TRPM6: variants seen among roughly 807,000 people sequenced by gnomAD.
TRPM6 encodes channel kinase 2.
TRPM6 carries 111 observed loss-of-function variants against 247.6 expected under a neutral mutation model. That is an observed-to-expected ratio of 0.45 (90% confidence interval 0.38 to 0.52). The LOEUF (loss-of-function observed/expected upper bound fraction) is 0.52, where lower values mean the gene tolerates loss of function less well. TRPM6 is among the 20% of genes least tolerant of loss of function. The pLI is 0.00. For missense variants in TRPM6, 2,126 were observed against 2,421.5 expected (o/e 0.88, Z 2.56); for synonymous variants, 892 against 853.8 (o/e 1.04, Z -0.78).
At chr9:74,770,283 GA>G (rs1241867269) in intron 25 of TRPM6, among the ~76,000 whole-genome samples, 3 of 152,020 alleles carry the variant, frequency 2.0e-5, no homozygotes, top group Admixed American at 1.3e-4. Flanking sequence ...TTTGACATCA[GA>G]AAAAAACATG....
Position 74,739,834 on chromosome 9 carries a change from A to G in TRPM6, c.5376T>C (p.Asp1792=). The G allele has an allele frequency of 6.2e-7, 1 of 1,614,100 alleles. No homozygotes were observed. The part of the protein sequence containing the change: ...AMRVVSTWSE[D]DILKPGQVFI... ...AAACTTGTCCCGGCTTGAGAATGTC[A>G]TCCTCAGACCAAGTGCTGACGACTC... is the stretch of plus-strand genomic sequence containing the variant. The change falls in exon 34 of 39, where the codon GAT becomes GAC. Residue 1792 remains aspartate, a synonymous_variant. Transcript: ENST00000360774.
intron 31 of TRPM6, among the ~76,000 whole-genome samples, chr9:74,744,360 T>C (rs957319505): frequency 2.6e-5 from 4 of 152,116 alleles, no homozygotes; most frequent in Non-Finnish European, 4.4e-5. Context: ...CATATTTATA[T>C]AGGGAATTGA....
At chr9:74,867,446 A>G (rs1830882601) in intron 1 of TRPM6, among the ~76,000 whole-genome samples, 1 of 152,206 alleles carries the variant, frequency 6.6e-6, no homozygotes, top group Non-Finnish European at 1.5e-5. Flanking sequence ...AGATGGTCTC[A>G]GTTCCCACAT....
At chr9:74,758,587 T>C (rs1384555225) in intron 27 of TRPM6, among the ~76,000 whole-genome samples, 1 of 152,128 alleles carries the variant, frequency 6.6e-6, no homozygotes, top group Non-Finnish European at 1.5e-5. Context: ...CTAATATCCA[T>C]GAATGATAAA....
At chr9:74,813,074 TTTC>T (rs893890192) in intron 11 of TRPM6, among the ~76,000 whole-genome samples, 12 of 152,188 alleles carry the variant, frequency 7.9e-5, no homozygotes, top group South Asian at 2.1e-4. Flanking sequence ...ACATTCAAGG[TTTC>T]TTCTTCTTCT....
At chr9:74,837,253 C>G (rs561064782) in intron 5 of TRPM6, among the ~76,000 whole-genome samples, 1 of 152,290 alleles carries the variant, frequency 6.6e-6, no homozygotes, top group South Asian at 2.1e-4. Flanking sequence ...TTTAAACGTG[C>G]ACGGGAATCA....
intron 23 of TRPM6, among the ~76,000 whole-genome samples, chr9:74,778,535 C>T (rs779903552): frequency 1.4e-4 from 21 of 152,290 alleles, no homozygotes; most frequent in Non-Finnish European, 2.1e-4. Context: ...GATCCCTGGA[C>T]GCCACTGCAG....
At chr9:74,854,513 A>G (rs1830462437) in intron 3 of TRPM6, among the ~76,000 whole-genome samples, 1 of 152,106 alleles carries the variant, frequency 6.6e-6, no homozygotes, top group South Asian at 2.1e-4. Context: ...AATAATTACT[A>G]AAAGGAAAGA....
intron 6 of TRPM6, among the ~76,000 whole-genome samples, chr9:74,830,222 C>A (rs1342191243): frequency 1.3e-5 from 2 of 151,736 alleles, no homozygotes; most frequent in African/African-American, 2.4e-5. Flanking sequence ...AGATGTTGAA[C>A]CTCACTAGCA....
intron 23 of TRPM6, among the ~76,000 whole-genome samples, chr9:74,781,664 C>G (rs1419876529): frequency 6.6e-6 from 1 of 151,372 alleles, no homozygotes; most frequent in Non-Finnish European, 1.5e-5. Context: ...AAACAGAGAA[C>G]AGGGGAAGCT....
intron 1 of TRPM6, among the ~76,000 whole-genome samples, chr9:74,885,510 T>C (rs1399805070): frequency 2.0e-5 from 3 of 152,310 alleles, no homozygotes; most frequent in South Asian, 2.1e-4. Flanking sequence ...ATGGAATTAA[T>C]TGATTCTGAA....
At chr9:74,839,353 T>C (rs1315490386) in intron 5 of TRPM6, among the ~76,000 whole-genome samples, 1 of 152,136 alleles carries the variant, frequency 6.6e-6, no homozygotes, top group Non-Finnish European at 1.5e-5. Context: ...GCCCCCCATA[T>C]ACAATTCTGG....
intron 1 of TRPM6, among the ~76,000 whole-genome samples, chr9:74,864,846 T>G (rs922901519): frequency 6.6e-6 from 1 of 151,984 alleles, no homozygotes. Context: ...CTGAGGTGGG[T>G]GGATCACCTG....
intron 19 of TRPM6, among the ~76,000 whole-genome samples, chr9:74,790,603 G>T (rs1432865610): frequency 1.3e-5 from 2 of 152,070 alleles, no homozygotes; most frequent in Non-Finnish European, 2.9e-5. Context: ...ATTGATGTTT[G>T]GCAACGTCTT....
At chr9:74,868,418 C>A (rs1193368520) in intron 1 of TRPM6, among the ~76,000 whole-genome samples, 1 of 151,930 alleles carries the variant, frequency 6.6e-6, no homozygotes, top group East Asian at 1.9e-4. Flanking sequence ...TCATTTGAAC[C>A]CAGGAGGTGG....
Position 74,812,356 on chromosome 9 carries a change from A to C in TRPM6, c.1386T>G (p.Tyr462Ter). 6.2e-7 allele frequency: 1 copy of C among 1,614,072 alleles called. No individual in the cohort carries two copies. The highest frequency in any genetic ancestry group is 2.2e-5 in the East Asian group (1 of 44,868). ...TAAGAAAGCGATGGAGGTTCACTCC[A>C]TATTCTATTAAGAGCTTCACAAAAT... ...RVDFVKLLIE[Y>*]GVNLHRFLTI... is the part of the protein sequence containing the mutation. Residue 462 changes from tyrosine (Y) to a stop codon, truncating the protein, a stop_gained, in exon 12 of 39, where the codon TAT becomes TAG. Transcript: ENST00000360774. LOFTEE classifies it high-confidence loss of function.
intron 25 of TRPM6, 68 bp downstream of exon 25, chr9:74,771,635 C>A (rs1587488401): frequency 6.6e-7 from 1 of 1,507,498 alleles, no homozygotes; most frequent in East Asian, 2.3e-5. Flanking sequence ...CTTTCTACAC[C>A]TTTAGATATT....
At chr9:74,880,677 A>T (rs1482762077) in intron 1 of TRPM6, among the ~76,000 whole-genome samples, 1 of 152,230 alleles carries the variant, frequency 6.6e-6, no homozygotes, top group Non-Finnish European at 1.5e-5. Flanking sequence ...CAGTCCTATA[A>T]GAAATGTTTC....
chr9:74,771,972 T>C (rs1385978018), intron 24 of TRPM6, 137 bp from the exon 25 acceptor site: 25 of 809,522 alleles, frequency 3.1e-5, no homozygotes, highest in Non-Finnish European at 5.0e-5. Flanking sequence ...CTATTTCTAA[T>C]ATTAATGCAG....
Sources: allele counts gnomAD v4.1 joint callset (sites outside exome capture counted in the v4.1 genomes callset), GRCh38; gene constraint gnomAD v4.1.1; transcripts MANE v1.5; gene names NCBI Gene and HGNC (gene_info 2026-07-23, HGNC 2026-07-21).